Variants in NPHP4 observed in about 807,000 individuals in gnomAD.
The protein encoded by NPHP4 is nephrocystin 4.
Under a neutral mutation model 155.8 loss-of-function variants are expected in NPHP4, and 151 were observed. The observed-to-expected ratio is 0.97, with a 90% CI of 0.85 to 1.11. The LOEUF is 1.11. NPHP4 is among the 50% of genes least tolerant of loss of function. The pLI is 0.00. For synonymous variants in NPHP4, 845 were observed against 816.8 expected, an observed-to-expected ratio of 1.03 and a Z score of -0.59; for missense variants, 1,956 against 1,925.7, an observed-to-expected ratio of 1.02 and a Z score of -0.29.
At position 5,963,395 on chromosome 1, in the gene NPHP4, TA is replaced by T. The variant is rs1221773303; in HGVS notation, c.518-1447del. 5.6e-4 allele frequency among the ~76,000 whole-genome samples: 80 copies of T among 142,104 alleles called. 1 individual carries two copies. Among genetic ancestry groups the T allele is most frequent in the African/African-American group, 1.1e-3 (44 of 38,944 alleles). The allele number at this position is 142,104 out of a possible 152,430, so 93.2% of individuals were successfully genotyped here. ...GGGTGACGGAGATTCCATCTCAAAATAAAAAAAAAAAGAAATTGGTGAAACA... is the reference window on the plus strand; with the variant it reads ...GGGTGACGGAGATTCCATCTCAAAATAAAAAAAAAAGAAATTGGTGAAACA... On this transcript the variant is annotated intron_variant, in intron 5 of 29. Transcript: ENST00000378156.
At chr1:5,920,178 G>A (rs377519323) in intron 11 of NPHP4, among the ~76,000 whole-genome samples, 13 of 152,194 alleles carry the variant, frequency 8.5e-5, no homozygotes, top group South Asian at 2.1e-4. Context: ...TGATATGCCC[G>A]CCTGAACCTC....
At chr1:5,954,815 T>C (rs1444467959) in intron 6 of NPHP4, among the ~76,000 whole-genome samples, 1 of 152,024 alleles carries the variant, frequency 6.6e-6, no homozygotes, top group African/African-American at 2.4e-5. Flanking sequence ...CATTGGGCTG[T>C]GAAAGGATTT....
chr1:5,875,666 A>G (rs1469301831), intron 20 of NPHP4, among the ~76,000 whole-genome samples: 1 of 152,242 alleles, frequency 6.6e-6, no homozygotes, highest in Admixed American at 6.5e-5. Flanking sequence ...TGGGTTCTAC[A>G]GGTTGGAGAC....
chr1:5,880,029 A>G, intron 19 of NPHP4, 85 bp downstream of exon 19: 1 of 1,432,858 alleles, frequency 7.0e-7, no homozygotes, highest in Non-Finnish European at 9.7e-7. Flanking sequence ...GCACACACGC[A>G]TGCACACACA....
chr1:5,920,443 C>T (rs1050782778), intron 11 of NPHP4, among the ~76,000 whole-genome samples: 6 of 152,204 alleles, frequency 3.9e-5, no homozygotes, highest in Non-Finnish European at 7.3e-5. Flanking sequence ...CCTGCCCTGG[C>T]GGCCCCGTGT....
intron 1 of NPHP4, among the ~76,000 whole-genome samples, chr1:5,986,685 G>T (rs1258731793): frequency 6.6e-6 from 1 of 151,964 alleles, no homozygotes; most frequent in Non-Finnish European, 1.5e-5. Context: ...TGAACTATGC[G>T]AATTACCTTT....
chr1:5,885,681 T>A (rs929060309), intron 18 of NPHP4, among the ~76,000 whole-genome samples: 2 of 152,182 alleles, frequency 1.3e-5, no homozygotes, highest in African/African-American at 4.8e-5. Flanking sequence ...CAGAGCAGAA[T>A]CCAGGCCGAG....
intron 5 of NPHP4, among the ~76,000 whole-genome samples, chr1:5,962,876 T>C (rs1650617548): frequency 6.6e-6 from 1 of 152,162 alleles, no homozygotes; most frequent in African/African-American, 2.4e-5. Context: ...ACACAGGGCC[T>C]GGGCTGCCCT....
At chr1:5,989,451 GC>G (rs1343316727) in intron 1 of NPHP4, among the ~76,000 whole-genome samples, 1 of 152,182 alleles carries the variant, frequency 6.6e-6, no homozygotes, top group Admixed American at 6.5e-5. Flanking sequence ...TGGCCCCTGT[GC>G]TTCCCTTGGT....
In NPHP4 at chr1:5,868,882, GCA is replaced by G. The variant is rs1350095195; in HGVS notation, c.3316-988_3316-987del. 5.2e-3 allele frequency among the ~76,000 whole-genome samples: 426 copies of G among 81,508 alleles called. 3 individuals carry two copies. The Middle Eastern group carries it at 0.07, about 13-fold the overall frequency. The allele number at this position is 81,508 out of a possible 152,430, so 53.5% of individuals were successfully genotyped here. A position where few individuals can be genotyped will look rare whatever the true frequency, so the allele number is the denominator to read the frequency against. On this transcript the variant is annotated intron_variant, in intron 23 of 29. Transcript: ENST00000378156. ...CATACATGCACACATGCCCCCACAC[GCA>G]CACATATGCACGCCCACATGCATGC...
At chr1:5,881,444 C>A (rs1056235365) in intron 18 of NPHP4, 2 of 152,224 alleles carry the variant, frequency 1.3e-5, no homozygotes, top group African/African-American at 4.8e-5. Context: ...TGAGTTCAGC[C>A]CCTCTACATC....
At chr1:5,863,575 G>A in intron 29 of NPHP4, 170 bp from the exon 30 acceptor site, 2 of 732,446 alleles carry the variant, frequency 2.7e-6, no homozygotes. Flanking sequence ...ACAAGGATGG[G>A]AACCAGTGCT....
At chr1:5,936,033 C>T (rs1646519924) in intron 9 of NPHP4, among the ~76,000 whole-genome samples, 1 of 152,216 alleles carries the variant, frequency 6.6e-6, no homozygotes, top group African/African-American at 2.4e-5. Flanking sequence ...TATGTATCTA[C>T]GTTTTCATGC....
intron 9 of NPHP4, among the ~76,000 whole-genome samples, chr1:5,946,066 G>A (rs562048711): frequency 7.9e-5 from 12 of 152,224 alleles, no homozygotes; most frequent in East Asian, 1.9e-4. Context: ...ATATCTTACC[G>A]TACCTAATTT....
At position 5,889,055 on chromosome 1, in the gene NPHP4, C is replaced by T. The variant is rs188793781; in HGVS notation, c.2305-1589G>A. Among the ~76,000 whole-genome samples the T allele has an allele frequency of 6.6e-6, 1 of 152,322 alleles. No homozygotes were observed. The highest frequency in any genetic ancestry group is 2.4e-5 in the African/African-American group (1 of 41,578). On this transcript the variant is annotated intron_variant, in intron 17 of 29. Coordinates refer to ENST00000378156, the MANE Select transcript of NPHP4 (RefSeq NM_015102.5). The surrounding 1 kb of genome is among the most constrained non-coding windows in gnomAD (Gnocchi z 4.2). ...CCCCAGGGCTGGGCTAGGGGTCACA[C>T]TGAAGGCAGCACAGGAGCCGTCCGT...
At chr1:5,971,491 G>C (rs1023393560) in intron 3 of NPHP4, among the ~76,000 whole-genome samples, 1 of 152,100 alleles carries the variant, frequency 6.6e-6, no homozygotes, top group Admixed American at 6.5e-5. Context: ...AATTTATAAC[G>C]AACCTGGAAA....
intron 1 of NPHP4, among the ~76,000 whole-genome samples, chr1:5,987,443 A>C (rs1403918283): frequency 6.6e-6 from 1 of 152,092 alleles, no homozygotes; most frequent in African/African-American, 2.4e-5. Flanking sequence ...CCCAGGTGTT[A>C]TCTCTTTCAC....
intron 18 of NPHP4, among the ~76,000 whole-genome samples, chr1:5,884,355 T>G (rs534728552): frequency 2.0e-5 from 3 of 152,166 alleles, no homozygotes; most frequent in African/African-American, 7.2e-5. Context: ...ACGCTTAGCC[T>G]GTGGGGCCAT....
intron 2 of NPHP4, among the ~76,000 whole-genome samples, chr1:5,979,660 C>T (rs56103100): frequency 0.028 from 4,277 of 152,160 alleles, 96 homozygotes; most frequent in Middle Eastern, 0.071. Flanking sequence ...GTAGCTGGGA[C>T]CACAGGTGCA....
Sources: allele counts gnomAD v4.1 joint callset (sites outside exome capture counted in the v4.1 genomes callset), GRCh38; gene constraint gnomAD v4.1.1; non-coding constraint Gnocchi (gnomAD v3.1); transcripts MANE v1.5; gene names NCBI Gene and HGNC (gene_info 2026-07-23, HGNC 2026-07-21).